Variants in OR52I2 observed in about 807,000 individuals in gnomAD.
The protein encoded by OR52I2 is olfactory receptor family 52 subfamily I member 2.
For missense variants in OR52I2, 350 were observed against 402.4 expected (o/e 0.87, Z 1.11); for synonymous variants, 147 against 151.9 (o/e 0.97, Z 0.24).
exon 2 of OR52I2, chr11:4,588,046 G>T (rs1589843856): frequency 1.6e-6 from 1 of 608,248 alleles, no homozygotes; most frequent in East Asian, 2.8e-5. Context: ...TTTCTCAGTG[G>T]ATTCAATCAA....
At chr11:4,582,434 A>C (rs12796915) in intron 1 of OR52I2, among the ~76,000 whole-genome samples, 4,837 of 96,868 alleles carry the variant, frequency 0.05, 266 homozygotes, top group Non-Finnish European at 0.065. Flanking sequence ...TTTATTTTTC[A>C]TTTTTTTTTT....
At chr11:4,586,924 A>C (rs1344767617) in exon 2 of OR52I2, 1 of 1,614,042 alleles carries the variant, frequency 6.2e-7, no homozygotes, top group Admixed American at 1.7e-5. Context: ...CACAATGGAA[A>C]CCCCTGCCTC....
chr11:4,590,660 CTGTT>C (rs1846344007), exon 2 of OR52I2: 1 of 152,124 alleles, frequency 6.6e-6, no homozygotes, highest in Non-Finnish European at 1.5e-5. Context: ...GGGGAAGAGG[CTGTT>C]TGGATTCTCA....
chr11:4,582,589 G>A (rs895747314), intron 1 of OR52I2, among the ~76,000 whole-genome samples: 11 of 151,428 alleles, frequency 7.3e-5, no homozygotes, highest in South Asian at 2.1e-4. Context: ...ACAGGTGCTC[G>A]CCACCATGCC....
chr11:4,582,369 G>T (rs1345865415), intron 1 of OR52I2, among the ~76,000 whole-genome samples: 1 of 150,102 alleles, frequency 6.7e-6, no homozygotes, highest in African/African-American at 2.5e-5. Context: ...CACAGGTCTT[G>T]TGCTTTGTGA....
exon 2 of OR52I2, chr11:4,587,367 C>T (rs371749276): frequency 2.3e-4 from 369 of 1,613,294 alleles, no homozygotes; most frequent in Middle Eastern, 9.9e-4. Context: ...CTATCATAGC[C>T]ATAACTCCAC....
In OR52I2 at chr11:4,589,854, T is replaced by G. The variant is rs541597971; in HGVS notation, c.*1989T>G. The G allele has an allele frequency of 6.6e-5, 10 of 152,330 alleles. No individual in the cohort carries two copies. The East Asian group carries it at 1.9e-3, about 29-fold the overall frequency. 9.4% of individuals were successfully genotyped at this position (152,330 alleles called of 1,614,324 possible). On this transcript the variant is annotated 3_prime_UTR_variant, in exon 2 of 2. Transcript: ENST00000641896. ...TAGTTCTTTTACCTTTAAGACATTT[T>G]CATTTTGAATTATGTATTCCTCACT...
chr11:4,587,263 G>C, exon 2 of OR52I2: 2 of 1,613,952 alleles, frequency 1.2e-6, no homozygotes, highest in Non-Finnish European at 1.7e-6. Context: ...CATGGCTTTT[G>C]ACCGCTATGT....
chr11:4,590,062 C>T (rs1170718668), exon 2 of OR52I2: 1 of 152,164 alleles, frequency 6.6e-6, no homozygotes, highest in African/African-American at 2.4e-5. Context: ...GGATAACTTA[C>T]CAGAGCTTTC....
At chr11:4,584,907 A>T (rs1589842788) in intron 1 of OR52I2, among the ~76,000 whole-genome samples, 1 of 152,200 alleles carries the variant, frequency 6.6e-6, no homozygotes, top group Non-Finnish European at 1.5e-5. Flanking sequence ...ACTTGCAGCA[A>T]TCTAAAAGTA....
chr11:4,584,121 T>C (rs74605685), intron 1 of OR52I2, among the ~76,000 whole-genome samples: 405 of 152,294 alleles, frequency 2.7e-3, no homozygotes, highest in African/African-American at 9.1e-3. Context: ...CTTCTTACTA[T>C]GGAAACCCTT....
intron 1 of OR52I2, among the ~76,000 whole-genome samples, chr11:4,584,937 A>G (rs923934205): frequency 1.3e-5 from 2 of 152,160 alleles, no homozygotes; most frequent in African/African-American, 4.8e-5. Flanking sequence ...TGCAGGGAAA[A>G]CAGTTTCATT....
exon 2 of OR52I2, chr11:4,591,853 A>G (rs1463113060): frequency 7.3e-6 from 1 of 137,180 alleles, no homozygotes; most frequent in African/African-American, 2.6e-5. Flanking sequence ...GTGATGAAGA[A>G]AAAAAAATAG....
At chr11:4,582,470 C>T (rs1185995240) in intron 1 of OR52I2, among the ~76,000 whole-genome samples, 3 of 102,804 alleles carry the variant, frequency 2.9e-5, no homozygotes, top group Non-Finnish European at 3.7e-5. Context: ...ATGGTGTCTC[C>T]ATTCTGTCAT....
chr11:4,582,497 T>C (rs918717967), intron 1 of OR52I2, among the ~76,000 whole-genome samples: 2 of 136,218 alleles, frequency 1.5e-5, no homozygotes, highest in Non-Finnish European at 3.1e-5. Flanking sequence ...TGGAGTGCAG[T>C]GGCATGATCT....
exon 2 of OR52I2, chr11:4,588,255 AG>A (rs1221293011): frequency 2.9e-4 from 56 of 190,754 alleles, no homozygotes; most frequent in African/African-American, 1.1e-3. Flanking sequence ...GTGTCCACTT[AG>A]GATCTGGGGA....
exon 2 of OR52I2, chr11:4,587,189 C>T (rs773300843): frequency 1.2e-6 from 2 of 1,614,170 alleles, no homozygotes; most frequent in South Asian, 1.1e-5. Context: ...AGCTTTAGTG[C>T]TTGTTTCACT....
exon 2 of OR52I2, chr11:4,587,804 G>C (rs537937831): frequency 6.2e-7 from 1 of 1,614,048 alleles, no homozygotes; most frequent in South Asian, 1.1e-5. Context: ...AAACAACTGC[G>C]GGAGAGAATA....
At chr11:4,588,263 G>C (rs1589843904) in exon 2 of OR52I2, 1 of 181,278 alleles carries the variant, frequency 5.5e-6, no homozygotes, top group East Asian at 1.4e-4. Context: ...TTAGGATCTG[G>C]GGAACTGAGA....
Sources: allele counts gnomAD v4.1 joint callset (sites outside exome capture counted in the v4.1 genomes callset), GRCh38; gene constraint gnomAD v4.1.1; transcripts MANE v1.5; gene names NCBI Gene and HGNC (gene_info 2026-07-23, HGNC 2026-07-21).